Variants in FHOD3 observed in about 807,000 individuals in gnomAD.
The protein encoded by FHOD3 is FH1/FH2 domain-containing protein 3.
FHOD3 carries 90 observed loss-of-function variants against 173.0 expected under a neutral mutation model. That is an observed-to-expected ratio of 0.52 (90% CI 0.44 to 0.62). FHOD3 has a LOEUF of 0.62. FHOD3 is among the 20% of genes least tolerant of loss of function. The pLI is 0.00. For missense variants in FHOD3, 1,945 were observed against 2,034.7 expected (o/e 0.96, Z 0.85); for synonymous variants, 828 against 823.0 (o/e 1.01, Z -0.10).
chr18:36,708,711 G>A (rs1305268220), intron 17 of FHOD3, among the ~76,000 whole-genome samples: 1 of 152,214 alleles, frequency 6.6e-6, no homozygotes, highest in African/African-American at 2.4e-5. Context: ...GACCAGTGGT[G>A]GTTCTCAGCT....
At chr18:36,677,111 TA>T (rs2037913150) in intron 14 of FHOD3, among the ~76,000 whole-genome samples, 1 of 152,154 alleles carries the variant, frequency 6.6e-6, no homozygotes, top group African/African-American at 2.4e-5. Context: ...ATTTTTCACT[TA>T]AACTATCTAG....
chr18:36,752,745 C>T (rs1420808932), intron 24 of FHOD3, among the ~76,000 whole-genome samples: 1 of 152,102 alleles, frequency 6.6e-6, no homozygotes, highest in African/African-American at 2.4e-5. Flanking sequence ...ATTCCCTGTG[C>T]ATCCAAAAAC....
chr18:36,762,182 AAATT>A (rs2042910901), intron 27 of FHOD3, among the ~76,000 whole-genome samples: 1 of 152,190 alleles, frequency 6.6e-6, no homozygotes, highest in Non-Finnish European at 1.5e-5. Context: ...TAGTAATGAT[AAATT>A]CAACATAATG....
At chr18:36,581,625 C>A (rs75949430) in intron 6 of FHOD3, among the ~76,000 whole-genome samples, 6,225 of 152,262 alleles carry the variant, frequency 0.041, 325 homozygotes, top group East Asian at 0.15. Context: ...CTCCCTACTC[C>A]TATGTAGGCC....
chr18:36,497,155 A>G (rs2054787835), intron 3 of FHOD3, among the ~76,000 whole-genome samples: 1 of 152,258 alleles, frequency 6.6e-6, no homozygotes, highest in Non-Finnish European at 1.5e-5. Flanking sequence ...TAGACAATTT[A>G]AACAAATGAC....
intron 3 of FHOD3, among the ~76,000 whole-genome samples, chr18:36,451,722 A>C (rs1037240976): frequency 1.2e-4 from 18 of 152,192 alleles, no homozygotes; most frequent in African/African-American, 4.3e-4. Context: ...ATGCAGGATG[A>C]AATCAGCTTC....
At chr18:36,389,973 C>G (rs984329539) in intron 3 of FHOD3, among the ~76,000 whole-genome samples, 1 of 152,086 alleles carries the variant, frequency 6.6e-6, no homozygotes, top group East Asian at 1.9e-4. Context: ...GATGCAAGGC[C>G]GGTTCTGTCA....
chr18:36,477,461 G>A (rs1599298184), intron 3 of FHOD3, among the ~76,000 whole-genome samples: 1 of 151,836 alleles, frequency 6.6e-6, no homozygotes. Flanking sequence ...CAAAATGTGT[G>A]TGTGTATATA....
intron 9 of FHOD3, among the ~76,000 whole-genome samples, chr18:36,623,691 CAA>C (rs1179917933): frequency 6.6e-6 from 1 of 152,156 alleles, no homozygotes; most frequent in Non-Finnish European, 1.5e-5. Context: ...GTAAAACAGT[CAA>C]AAGTCTGTTA....
chr18:36,622,844 CAA>C (rs902378562), intron 9 of FHOD3, among the ~76,000 whole-genome samples: 1 of 152,194 alleles, frequency 6.6e-6, no homozygotes, highest in Non-Finnish European at 1.5e-5. Flanking sequence ...CTAGCATGTG[CAA>C]ACAAAGCCTC....
At chr18:36,630,041 T>G (rs974756275) in intron 10 of FHOD3, among the ~76,000 whole-genome samples, 4 of 152,018 alleles carry the variant, frequency 2.6e-5, no homozygotes, top group Admixed American at 2.6e-4. Flanking sequence ...ATCTGAGAAA[T>G]TCTGCCTTAG....
rs368498593 is a variant in FHOD3, at chr18:36,371,482, T to C, written c.273-1198T>C. 2.1e-3 allele frequency among the ~76,000 whole-genome samples: 322 copies of C among 152,260 alleles called. 2 individuals carry two copies. In the Middle Eastern group the frequency reaches 0.041, roughly 19 times the overall value. On this transcript the variant is annotated intron_variant, in intron 2 of 28. Coordinates refer to ENST00000590592, the MANE Select transcript of FHOD3 (RefSeq NM_001281740.3). ...TCAAACCATCAGATCTCATGAGACT[T>C]ATTCACTATCACAAGAATGCCCCTG...
rs868852687 is a variant in FHOD3 at position 36,454,678 on chromosome 18, A to G, written c.338-47254A>G. Among the ~76,000 whole-genome samples, 3 of 149,920 alleles carry G rather than the reference A, an allele frequency of 2.0e-5. No homozygotes were observed. The South Asian group carries it at 6.3e-4, about 32-fold the overall frequency. On this transcript the variant is annotated intron_variant, in intron 3 of 28. Coordinates refer to ENST00000590592, the MANE Select transcript of FHOD3 (RefSeq NM_001281740.3). ...TCCGTTCCATTTTTTTTTTTCTCAT[A>G]GACGTTTAACCTGGAGCCCACCCCT...
At chr18:36,396,148 C>G (rs554189834) in intron 3 of FHOD3, among the ~76,000 whole-genome samples, 2 of 152,138 alleles carry the variant, frequency 1.3e-5, no homozygotes, top group South Asian at 2.1e-4. Flanking sequence ...TTTTATGTCC[C>G]TTGTTATTTT....
intron 9 of FHOD3, among the ~76,000 whole-genome samples, chr18:36,620,431 T>C (rs8089656): frequency 0.18 from 26,746 of 152,090 alleles, 2,803 homozygotes; most frequent in African/African-American, 0.29. Flanking sequence ...GCTCCTTCTG[T>C]TTGTCCCCCT....
intron 5 of FHOD3, among the ~76,000 whole-genome samples, chr18:36,553,080 G>A (rs182067771): frequency 0.013 from 1,921 of 152,276 alleles, 42 homozygotes; most frequent in African/African-American, 0.044. Flanking sequence ...AGATAATCAT[G>A]TGGTTTTTGT....
Position 36,456,220 on chromosome 18 carries a change from T to G in FHOD3, c.338-45712T>G, listed in dbSNP as rs1323794862. Among the ~76,000 whole-genome samples the G allele has an allele frequency of 4.6e-5, 7 of 152,314 alleles. No homozygotes were observed. The East Asian group carries it at 1.2e-3, about 25-fold the overall frequency. On this transcript the variant is annotated intron_variant, in intron 3 of 28. Transcript: ENST00000590592. ...ATGGGCCTCAAACAAATCCTTTAGCTATGCATGATTTTCCATCTTTGCATG... is the reference window on the plus strand; with the variant it reads ...ATGGGCCTCAAACAAATCCTTTAGCGATGCATGATTTTCCATCTTTGCATG...
intron 10 of FHOD3, among the ~76,000 whole-genome samples, chr18:36,641,432 T>C (rs1381351740): frequency 6.6e-6 from 1 of 152,210 alleles, no homozygotes; most frequent in African/African-American, 2.4e-5. Context: ...CAAGGGAATG[T>C]CATGTACAAA....
intron 5 of FHOD3, among the ~76,000 whole-genome samples, chr18:36,571,486 G>T (rs945234061): frequency 7.2e-5 from 11 of 152,208 alleles, no homozygotes; most frequent in African/African-American, 2.7e-4. Flanking sequence ...TTTCCAGAAA[G>T]ATTTTGTTGT....
Sources: gnomAD v4.1 joint callset for allele counts (sites outside exome capture counted in the v4.1 genomes callset) on GRCh38, gnomAD v4.1.1 for gene constraint, MANE v1.5 for transcripts, NCBI Gene and HGNC (gene_info 2026-07-23, HGNC 2026-07-21) for gene names.